Variants in CDHR1 observed in about 807,000 individuals in gnomAD.
CDHR1 encodes the protein cadherin-related family member 1.
CDHR1 carries 61 observed loss-of-function variants against 72.1 expected under a neutral mutation model. The observed-to-expected ratio is 0.85, with a 90% confidence interval of 0.69 to 1.05. The LOEUF (loss-of-function observed/expected upper bound fraction) is 1.05. CDHR1 is among the 50% of genes least tolerant of loss of function. The pLI, the probability that CDHR1 is intolerant of heterozygous loss-of-function variation, is 0.00. For missense variants in CDHR1, 1,186 were observed against 1,115.7 expected (o/e 1.06, Z -0.90); for synonymous variants, 470 against 448.1 (o/e 1.05, Z -0.62).
chr10:84,204,458 A>T, intron 8 of CDHR1, 69 bp from the exon 9 acceptor site: 1 of 1,085,102 alleles, frequency 9.2e-7, no homozygotes, highest in Non-Finnish European at 1.4e-6. Flanking sequence ...TTCATCATGG[A>T]GACATTGTTT....
intron 5 of CDHR1, among the ~76,000 whole-genome samples, chr10:84,199,488 C>T (rs1024801836): frequency 6.6e-6 from 1 of 152,098 alleles, no homozygotes; most frequent in African/African-American, 2.4e-5. Flanking sequence ...TTATACTAAA[C>T]ATATGCTTCC....
At chr10:84,213,447 C>G (rs772845069) in intron 16 of CDHR1, 99 bp downstream of exon 16, 1 of 1,496,874 alleles carries the variant, frequency 6.7e-7, no homozygotes. Flanking sequence ...CAGGCTTCCT[C>G]CAAAAGACAC....
In CDHR1 at chr10:84,211,073, A is replaced by C; in HGVS notation, c.1393A>C (p.Thr465Pro). ...GGATGTTGTGATCCAGCTCCTGGAC[A>C]CCAATGACAATGTCCCCAAGTTCGA... Reference protein sequence around the residue: ...TADVVIQLLDTNDNVPKFDSL... With the variant: ...TADVVIQLLDPNDNVPKFDSL... Residue 465 changes from threonine (T) to proline (P), a missense_variant, in exon 13 of 17, where the codon ACC (threonine) becomes CCC (proline). Coordinates refer to ENST00000623527, the MANE Select transcript of CDHR1 (RefSeq NM_033100.4). 2 of 1,614,206 alleles carry C rather than the reference A, an allele frequency of 1.2e-6. No homozygotes were observed. Among genetic ancestry groups the C allele is most frequent in the Non-Finnish European group, 1.7e-6 (2 of 1,180,034 alleles).
intron 14 of CDHR1, 143 bp downstream of exon 14, chr10:84,211,858 C>A: frequency 1.2e-6 from 1 of 806,804 alleles, no homozygotes; most frequent in Non-Finnish European, 2.1e-6. Flanking sequence ...CAGTGGAAAG[C>A]TGAAGCAGAG....
At position 84,218,355 on chromosome 10, in the gene CDHR1, C is replaced by T. The variant is rs1842459406; in HGVS notation, c.*3734C>T. 21 of 985,278 alleles carry T rather than the reference C, an allele frequency of 2.1e-5. 1 individual carries two copies. In the South Asian group the frequency reaches 5.2e-4, roughly 24 times the overall value. 61.0% of individuals were successfully genotyped at this position (985,278 alleles called of 1,614,324 possible). On this transcript the variant is annotated 3_prime_UTR_variant, in exon 17 of 17. Transcript: ENST00000623527. ...GGACATCGGTTTGATGTTATAAAAT[C>T]GTGCACATGTACCCCTTTTGAGGCC...
At chr10:84,202,189 C>T (rs1403270054) in intron 7 of CDHR1, among the ~76,000 whole-genome samples, 3 of 152,150 alleles carry the variant, frequency 2.0e-5, no homozygotes, top group African/African-American at 7.2e-5. Flanking sequence ...AAGAGAATGG[C>T]ATCCCCCTCA....
In CDHR1 at chr10:84,214,339, G is replaced by T; in HGVS notation, c.2298G>T (p.Lys766Asn). 1 of 1,614,192 alleles carries T rather than the reference G, an allele frequency of 6.2e-7. No individual in the cohort carries two copies. Among genetic ancestry groups the T allele is most frequent in the South Asian group, 1.1e-5 (1 of 91,090 alleles). ...CCAAGAGCACCAAAGCCGCTACCAA[G>T]TTCATGCTCAAAGAGAAACCTCCCA... ...LKSKSTKAAT[K>N]FMLKEKPPNE... The change falls in exon 17 of 17, where the codon AAG becomes AAT. Residue 766 changes from lysine to asparagine, a missense_variant. Coordinates refer to ENST00000623527, the MANE Select transcript of CDHR1 (RefSeq NM_033100.4).
Position 84,208,219 on chromosome 10 carries a change from G to A in CDHR1, c.1009G>A (p.Val337Ile), listed in dbSNP as rs764190821. ...PAGSPAAQAT[V>I]PVTIRIVDLN... is the part of the protein sequence containing the mutation. ...GGGGAGCCCAGCTGCCCAGGCCACC[G>A]TCCCAGTCACCATCAGGATTGTGGA... Residue 337 changes from valine to isoleucine, a missense_variant, in exon 11 of 17, where the codon GTC becomes ATC. Transcript: ENST00000623527. The A allele has an allele frequency of 3.2e-5, 51 of 1,613,998 alleles. No homozygotes were observed. The highest frequency in any genetic ancestry group is 4.1e-5 in the Non-Finnish European group (48 of 1,180,024).
chr10:84,217,482 T>C lies in CDHR1; in HGVS notation c.*2861T>C. Reference sequence around the variant, plus strand: ...GTCTGAATTCTGGTTCTGCCATTAATTGTGACTTTGGGCAAGAGGTCAAGT... The same window carrying C: ...GTCTGAATTCTGGTTCTGCCATTAACTGTGACTTTGGGCAAGAGGTCAAGT... On this transcript the variant is annotated 3_prime_UTR_variant, in exon 17 of 17. Coordinates refer to ENST00000623527, the MANE Select transcript of CDHR1 (RefSeq NM_033100.4). The C allele has an allele frequency of 1.0e-6, 1 of 981,474 alleles. No individual in the cohort carries two copies. Among genetic ancestry groups the C allele is most frequent in the African/African-American group, 1.7e-5 (1 of 57,262 alleles). The allele number at this position is 981,474 out of a possible 1,614,324, so 60.8% of individuals were successfully genotyped here. A position where few individuals can be genotyped will look rare whatever the true frequency, so the allele number is the denominator to read the frequency against.
chr10:84,206,612 G>C (rs563055136), intron 10 of CDHR1, among the ~76,000 whole-genome samples: 1 of 152,348 alleles, frequency 6.6e-6, no homozygotes, highest in South Asian at 2.1e-4. Context: ...ACAGCCACTT[G>C]AAAAGTTCAC....
intron 2 of CDHR1, 103 bp downstream of exon 2, chr10:84,195,692 C>T: frequency 2.1e-6 from 2 of 934,030 alleles, no homozygotes; most frequent in South Asian, 2.8e-5. Flanking sequence ...TGCGCGCGCC[C>T]GGGGGCTCCT....
Position 84,216,116 on chromosome 10 carries a change from C to G in CDHR1, c.*1495C>G. 1 of 985,434 alleles carries G rather than the reference C, an allele frequency of 1.0e-6. No individual in the cohort carries two copies. Among genetic ancestry groups the G allele is most frequent in the Non-Finnish European group, 1.2e-6 (1 of 829,946 alleles). 61.0% of individuals were successfully genotyped at this position (985,434 alleles called of 1,614,324 possible). ...TGCCCTGCTTTAAGGAACCTGCTAT[C>G]AGGAAATCTACATGTGTGCACAGAG... On this transcript the variant is annotated 3_prime_UTR_variant, in exon 17 of 17. Transcript: ENST00000623527.
rs531735198 is a variant in CDHR1 at position 84,214,886 on chromosome 10, A to G, written c.*265A>G. 105 of 1,423,494 alleles carry G rather than the reference A, an allele frequency of 7.4e-5. No individual in the cohort carries two copies. In the African/African-American group the frequency reaches 1.3e-3, roughly 18 times the overall value. The allele number at this position is 1,423,494 out of a possible 1,614,324, so 88.2% of individuals were successfully genotyped here. A position where few individuals can be genotyped will look rare whatever the true frequency, so the allele number is the denominator to read the frequency against. ...CGTCCCCGTTACTCAAATCCTTGGCACTACTACAATGCCCTCCATTCTTCA... is the reference window on the plus strand; with the variant it reads ...CGTCCCCGTTACTCAAATCCTTGGCGCTACTACAATGCCCTCCATTCTTCA... On this transcript the variant is annotated 3_prime_UTR_variant, in exon 17 of 17. Transcript: ENST00000623527.
intron 1 of CDHR1, among the ~76,000 whole-genome samples, chr10:84,195,249 G>C (rs1842006565): frequency 6.6e-6 from 1 of 152,216 alleles, no homozygotes; most frequent in Non-Finnish European, 1.5e-5. Flanking sequence ...TTGCTACCTG[G>C]GTTCTAAGCG....
rs3814213 is a variant in CDHR1, at chr10:84,214,480, T to A, written c.2439T>A (p.Thr813=). The change falls in exon 17 of 17, where the codon ACT becomes ACA. Residue 813 remains threonine (T), a synonymous_variant. Coordinates refer to ENST00000623527, the MANE Select transcript of CDHR1 (RefSeq NM_033100.4). ...GCGCAGCCCAGTGGACCGTGCCTAC[T>A]GTCTCTGGCTCTCTCACTCCGCAGC... is the stretch of plus-strand genomic sequence containing the variant. ...STGAAQWTVP[T]VSGSLTPQPT... is the part of the protein sequence containing the mutation. 1 of 1,609,058 alleles carries A rather than the reference T, an allele frequency of 6.2e-7. No individual in the cohort carries two copies. The highest frequency in any genetic ancestry group is 8.5e-7 in the Non-Finnish European group (1 of 1,179,736).
In CDHR1 at chr10:84,203,081, G is replaced by T. The variant is rs761881553; in HGVS notation, c.741G>T (p.Val247=). The T allele has an allele frequency of 6.2e-7, 1 of 1,614,192 alleles. No individual in the cohort carries two copies. Among genetic ancestry groups the T allele is most frequent in the Non-Finnish European group, 8.5e-7 (1 of 1,180,028 alleles). The change falls in exon 8 of 17, where the codon GTG becomes GTT. Residue 247 remains valine (V), a synonymous_variant. Coordinates refer to ENST00000623527, the MANE Select transcript of CDHR1 (RefSeq NM_033100.4). The stretch of plus-strand genomic sequence containing the variant: ...TTCAGGACATGGCCCCTGTCTTCGT[G>T]GGCACACCCTACTATGGCTATGTGT... ...EDVQDMAPVF[V]GTPYYGYVYE...
chr10:84,209,796 A>G (rs1842296151), intron 12 of CDHR1, among the ~76,000 whole-genome samples: 3 of 152,266 alleles, frequency 2.0e-5, no homozygotes, highest in Admixed American at 6.5e-5. Flanking sequence ...CCAACACATA[A>G]AATTTGTAGG....
At chr10:84,218,756 C>A, downstream of CDHR1, 1 of 1,008,798 alleles carries the variant, frequency 9.9e-7, no homozygotes, top group Non-Finnish European at 1.2e-6. Context: ...GATATTAGCC[C>A]AGATATCATG....
Position 84,218,065 on chromosome 10 carries a change from G to T in CDHR1, c.*3444G>T, listed in dbSNP as rs1212181608. The T allele has an allele frequency of 2.0e-6, 2 of 985,486 alleles. No homozygotes were observed. Among genetic ancestry groups the T allele is most frequent in the African/African-American group, 1.7e-5 (1 of 57,376 alleles). The allele number at this position is 985,486 out of a possible 1,614,324, so 61.0% of individuals were successfully genotyped here. A position where few individuals can be genotyped will look rare whatever the true frequency, so the allele number is the denominator to read the frequency against. On this transcript the variant is annotated 3_prime_UTR_variant, in exon 17 of 17. Transcript: ENST00000623527. ...TCCAAGGCCAGTCCACCTGCCAGGG[G>T]TGTTGGCATCTGTTGACAGGCAGTG...
Sources: allele counts gnomAD v4.1 joint callset (sites outside exome capture counted in the v4.1 genomes callset), GRCh38; gene constraint gnomAD v4.1.1; transcripts MANE v1.5; gene names NCBI Gene and HGNC (gene_info 2026-07-23, HGNC 2026-07-21).